Variants in DNM3 observed in about 807,000 individuals in gnomAD.
DNM3 encodes the protein dynamin 3.
A neutral mutation model predicts 101.6 loss-of-function variants in DNM3; 47 were observed. That is an observed-to-expected ratio of 0.46 (90% CI 0.37 to 0.59). The LOEUF is 0.59. Ranked by LOEUF, DNM3 falls within the 20% of genes least tolerant of loss-of-function variation. The probability of loss-of-function intolerance (pLI) is 0.00; values close to 1 mark genes in which losing one functional copy is unlikely to be tolerated. For missense variants in DNM3, 849 were observed against 1,085.7 expected (o/e 0.78, Z 3.06); for synonymous variants, 385 against 387.9 (o/e 0.99, Z 0.09).
chr1:171,903,784 C>G (rs896360048), intron 1 of DNM3, among the ~76,000 whole-genome samples: 2 of 152,218 alleles, frequency 1.3e-5, no homozygotes, highest in Middle Eastern at 3.4e-3. Flanking sequence ...GTAACCTAAA[C>G]TGGAAAGACA....
chr1:172,027,617 C>CACAAACAG (rs34981346), intron 4 of DNM3, among the ~76,000 whole-genome samples: 2 of 147,022 alleles, frequency 1.4e-5, no homozygotes, highest in African/African-American at 5.2e-5. Flanking sequence ...CACACACACA[C>CACAAACAG]AGAGAGAGAG....
chr1:172,167,847 A>G (rs777193709), intron 14 of DNM3, among the ~76,000 whole-genome samples: 2 of 152,056 alleles, frequency 1.3e-5, no homozygotes, highest in Non-Finnish European at 2.9e-5. Context: ...GCTCCAAAAT[A>G]TCACATTAGG....
chr1:171,879,346 A>C (rs2036059511), intron 1 of DNM3, among the ~76,000 whole-genome samples: 1 of 152,186 alleles, frequency 6.6e-6, no homozygotes, highest in Admixed American at 6.5e-5. Flanking sequence ...TGTTGCTCAG[A>C]GAGAAGAATT....
intron 14 of DNM3, among the ~76,000 whole-genome samples, chr1:172,244,397 T>G (rs970142728): frequency 1.3e-5 from 2 of 151,968 alleles, no homozygotes; most frequent in Non-Finnish European, 2.9e-5. Context: ...CAAAAGAAAC[T>G]AGCATCAGAG....
intron 14 of DNM3, chr1:172,140,115 T>C (rs2057488378): frequency 6.6e-6 from 1 of 152,000 alleles, no homozygotes; most frequent in Admixed American, 6.6e-5. Context: ...TCTGAGAAAA[T>C]AGCAAATAGA....
intron 13 of DNM3, among the ~76,000 whole-genome samples, chr1:172,129,465 CT>C (rs1395194202): frequency 2.0e-5 from 3 of 152,036 alleles, no homozygotes; most frequent in African/African-American, 7.3e-5. Flanking sequence ...TGTCTTCATG[CT>C]GCTGATAAAG....
intron 17 of DNM3, among the ~76,000 whole-genome samples, chr1:172,371,116 T>G (rs2068299741): frequency 6.6e-6 from 1 of 152,004 alleles, no homozygotes; most frequent in Non-Finnish European, 1.5e-5. Context: ...CTAGCAGAAT[T>G]CTCTTGAATT....
At chr1:172,062,020 G>A (rs1285956979) in intron 10 of DNM3, among the ~76,000 whole-genome samples, 1 of 152,094 alleles carries the variant, frequency 6.6e-6, no homozygotes, top group Non-Finnish European at 1.5e-5. Context: ...AACTTTTGTT[G>A]GGTATTATAG....
intron 14 of DNM3, chr1:172,133,068 A>G: frequency 6.9e-7 from 1 of 1,448,884 alleles, no homozygotes; most frequent in Non-Finnish European, 9.0e-7. Flanking sequence ...CAGAGGACTT[A>G]TGAAGATGAA....
At chr1:172,135,134 T>C (rs2057145248) in intron 14 of DNM3, among the ~76,000 whole-genome samples, 1 of 152,118 alleles carries the variant, frequency 6.6e-6, no homozygotes, top group Non-Finnish European at 1.5e-5. Flanking sequence ...TGGAATTTGA[T>C]AAAAATGAAC....
At chr1:171,923,410 C>A (rs1238935170) in intron 2 of DNM3, among the ~76,000 whole-genome samples, 1 of 152,020 alleles carries the variant, frequency 6.6e-6, no homozygotes, top group South Asian at 2.1e-4. Context: ...AAATACAAGT[C>A]CCATATCAGA....
At chr1:171,863,388 A>T (rs2034383884) in intron 1 of DNM3, among the ~76,000 whole-genome samples, 2 of 152,088 alleles carry the variant, frequency 1.3e-5, no homozygotes, top group Non-Finnish European at 2.9e-5. Context: ...GCATCAGCTG[A>T]TGGTAGGGTA....
intron 4 of DNM3, among the ~76,000 whole-genome samples, chr1:172,024,308 A>G (rs1441097304): frequency 1.3e-5 from 2 of 152,224 alleles, no homozygotes; most frequent in Non-Finnish European, 2.9e-5. Flanking sequence ...TTATAAGAAT[A>G]GGTAAATTTT....
At chr1:171,920,288 A>G (rs956277320) in intron 1 of DNM3, among the ~76,000 whole-genome samples, 1 of 152,286 alleles carries the variant, frequency 6.6e-6, no homozygotes. Context: ...TTGAAATCCC[A>G]TCTGTGTTGA....
intron 2 of DNM3, among the ~76,000 whole-genome samples, chr1:171,954,045 C>A (rs1304213125): frequency 3.9e-5 from 6 of 152,170 alleles, no homozygotes; most frequent in Non-Finnish European, 7.3e-5. Context: ...CTCAGAGGGA[C>A]TACTGCCCCT....
At position 172,411,414 on chromosome 1, in the gene DNM3, G is replaced by A. The variant is rs2071195613; in HGVS notation, c.*3573G>A. The A allele has an allele frequency of 1.0e-6, 1 of 984,928 alleles. No homozygotes were observed. Among genetic ancestry groups the A allele is most frequent in the Non-Finnish European group, 1.2e-6 (1 of 829,692 alleles). The allele number at this position is 984,928 out of a possible 1,614,324, so 61.0% of individuals were successfully genotyped here. ...CTTTGACAATATTTTTCGGTAAGAA[G>A]TAAAACCTCTGGAGACCTATCTTTA... On this transcript the variant is annotated 3_prime_UTR_variant, in exon 21 of 21. Transcript: ENST00000627582.
intron 14 of DNM3, among the ~76,000 whole-genome samples, chr1:172,226,808 G>A (rs947588866): frequency 1.3e-5 from 2 of 152,030 alleles, no homozygotes; most frequent in Admixed American, 6.6e-5. Flanking sequence ...TTTCATATAT[G>A]TCCATTTGTG....
intron 15 of DNM3, among the ~76,000 whole-genome samples, chr1:172,270,600 C>G (rs2063046386): frequency 6.6e-6 from 1 of 152,152 alleles, no homozygotes; most frequent in Non-Finnish European, 1.5e-5. Flanking sequence ...AAACTATTTA[C>G]TGGCATGTGT....
chr1:172,104,578 TA>T (rs570224562), intron 13 of DNM3, among the ~76,000 whole-genome samples: 132 of 152,284 alleles, frequency 8.7e-4, no homozygotes, highest in African/African-American at 2.5e-3. Flanking sequence ...TTATCATATT[TA>T]TTAACAATTT....
Sources: allele counts gnomAD v4.1 joint callset (sites outside exome capture counted in the v4.1 genomes callset), GRCh38; gene constraint gnomAD v4.1.1; transcripts MANE v1.5; gene names NCBI Gene and HGNC (gene_info 2026-07-23, HGNC 2026-07-21).